PIGG: variants seen among roughly 807,000 people sequenced by gnomAD.
The protein encoded by PIGG is phosphatidylinositol glycan anchor biosynthesis class G (EMM blood group), also known as GPI ethanolamine phosphate transferase 2, catalytic subunit.
A neutral mutation model predicts 83.2 loss-of-function variants in PIGG; 70 were observed. That is an observed-to-expected ratio of 0.84 (90% CI 0.69 to 1.03). PIGG has a LOEUF of 1.03. PIGG is among the 50% of genes least tolerant of loss of function. The pLI is 0.00. For missense variants in PIGG, 1,257 were observed against 1,233.6 expected (o/e 1.02, Z -0.28); for synonymous variants, 532 against 519.5 (o/e 1.02, Z -0.33).
Position 516,083 on chromosome 4 carries a change from G to A in PIGG, c.1012G>A (p.Val338Ile), listed in dbSNP as rs879131760. The A allele has an allele frequency of 6.2e-7, 1 of 1,613,846 alleles. No individual in the cohort carries two copies. Among genetic ancestry groups the A allele is most frequent in the Non-Finnish European group, 8.5e-7 (1 of 1,179,814 alleles). ...CAGTGTAGGGAGCCTCCTATTCCCA[G>A]TTGTGGAAGGAAGACCAATGAGAGA... Reference protein sequence around the residue: ...KDSVGSLLFPVVEGRPMREQL... With the variant: ...KDSVGSLLFPIVEGRPMREQL... The change falls in exon 6 of 13, where the codon GTT (valine) becomes ATT (isoleucine). Residue 338 changes from valine to isoleucine, a missense_variant. Val to Ile is a conservative substitution (Grantham distance 29). Coordinates refer to ENST00000453061, the MANE Select transcript of PIGG (RefSeq NM_001127178.3).
Position 539,204 on chromosome 4 carries a change from T to G in PIGG, c.2787T>G (p.Ile929Met). ...TCTGCTACGCACTGATTTGTTCTAT[T>G]CCAGTTTTCACGTACATCGTTTTGG... ...ACFCYALICS[I>M]PVFTYIVLVT... Residue 929 changes from isoleucine to methionine, a missense_variant, in exon 13 of 13, where the codon ATT becomes ATG. Physicochemically the swap from Ile to Met is conservative, Grantham distance 10 (BLOSUM62 1). Transcript: ENST00000453061. The G allele has an allele frequency of 6.2e-7, 1 of 1,613,674 alleles. No individual in the cohort carries two copies. Among genetic ancestry groups the G allele is most frequent in the Non-Finnish European group, 8.5e-7 (1 of 1,179,552 alleles).
In PIGG at chr4:499,254, G is replaced by A. The variant is rs1390563870; in HGVS notation, c.-82G>A. On this transcript the variant is annotated 5_prime_UTR_variant, in exon 1 of 13. Transcript: ENST00000453061. The stretch of plus-strand genomic sequence containing the variant: ...GGCCTGGCGTTATTGCTTAGAGGCG[G>A]CTACCTGGAGCCGGAAGCGCGGCTG... 27 of 1,476,124 alleles carry A rather than the reference G, an allele frequency of 1.8e-5. No homozygotes were observed. Among genetic ancestry groups the A allele is most frequent in the Non-Finnish European group, 2.3e-5 (25 of 1,087,326 alleles). The allele number at this position is 1,476,124 out of a possible 1,614,324, so 91.4% of individuals were successfully genotyped here. A position where few individuals can be genotyped will look rare whatever the true frequency, so the allele number is the denominator to read the frequency against.
In PIGG at chr4:521,005, G is replaced by A. The variant is rs571872588; in HGVS notation, c.1115-51G>A. 18 of 1,230,136 alleles carry A rather than the reference G, an allele frequency of 1.5e-5. No homozygotes were observed. In the South Asian group the frequency reaches 2.2e-4, roughly 15 times the overall value. The allele number at this position is 1,230,136 out of a possible 1,614,324, so 76.2% of individuals were successfully genotyped here. ...ATACTTTGAGATTATGTATATAAAT[G>A]TATGTTCACGGTGTGTGTGCGCGCC... is the stretch of plus-strand genomic sequence containing the variant. On this transcript the variant is annotated intron_variant, in intron 6 of 12. Coordinates refer to ENST00000453061, the MANE Select transcript of PIGG (RefSeq NM_001127178.3).
At position 521,776 on chromosome 4, in the gene PIGG, T is replaced by C. The variant is rs754362683; in HGVS notation, c.1449T>C (p.Leu483=). The stretch of plus-strand genomic sequence containing the variant: ...TCTTTTATTTGGTGATCCTGGTTCT[T>C]TCGGCCGTTCACGTCATTGTGTGCA... ...SLLFYLVILV[L]SAVHVIVCTS... The change falls in exon 8 of 13, where the codon CTT becomes CTC. Residue 483 remains leucine, a synonymous_variant. Coordinates refer to ENST00000453061, the MANE Select transcript of PIGG (RefSeq NM_001127178.3). The C allele has an allele frequency of 4.3e-6, 7 of 1,614,094 alleles. No homozygotes were observed. In the Admixed American group the frequency reaches 1.0e-4, roughly 23 times the overall value.
chr4:523,205 C>T (rs1726529373), intron 8 of PIGG, among the ~76,000 whole-genome samples: 1 of 152,212 alleles, frequency 6.6e-6, no homozygotes, highest in South Asian at 2.1e-4. Context: ...GTGAGAACAG[C>T]TGGCTGGCCG....
chr4:516,542 A>G (rs1199065896), intron 6 of PIGG, among the ~76,000 whole-genome samples: 1 of 152,196 alleles, frequency 6.6e-6, no homozygotes, highest in African/African-American at 2.4e-5. Flanking sequence ...TCGATGGCCG[A>G]TGGTGACGAG....
intron 2 of PIGG, among the ~76,000 whole-genome samples, chr4:503,478 G>A (rs1358709080): frequency 1.3e-5 from 2 of 152,062 alleles, no homozygotes; most frequent in Non-Finnish European, 2.9e-5. Flanking sequence ...CAGGTCACAC[G>A]CAGCTCATTT....
intron 3 of PIGG, 126 bp downstream of exon 3, chr4:506,053 A>G (rs1553879065): frequency 9.0e-6 from 6 of 667,194 alleles, no homozygotes; most frequent in African/African-American, 5.5e-5. Flanking sequence ...AGGGAGTACT[A>G]TGGACAGGTG....
intron 2 of PIGG, among the ~76,000 whole-genome samples, chr4:505,099 A>G (rs1392734484): frequency 6.6e-5 from 10 of 152,136 alleles, no homozygotes; most frequent in Non-Finnish European, 1.0e-4. Flanking sequence ...TTGAATACAC[A>G]GGTTAATGTT....
In PIGG at chr4:530,409, A is replaced by T. The variant is rs370612312; in HGVS notation, c.2262-27A>T. ...TGAATTTTTCTCACTGGTGCTAATG[A>T]ATCTAACTTGTTTTGCTCTTTTTTA... is the stretch of plus-strand genomic sequence containing the variant. On this transcript the variant is annotated intron_variant, in intron 10 of 12. Transcript: ENST00000453061. 46 of 1,521,058 alleles carry T rather than the reference A, an allele frequency of 3.0e-5. No individual in the cohort carries two copies. The African/African-American group carries it at 5.8e-4, about 19-fold the overall frequency. 94.2% of individuals were successfully genotyped at this position (1,521,058 alleles called of 1,614,324 possible).
In PIGG at chr4:515,927, T is replaced by C. The variant is rs1447278218; in HGVS notation, c.902-46T>C. On this transcript the variant is annotated intron_variant, in intron 5 of 12. Transcript: ENST00000453061. This position sits in a 1 kb window ranked among gnomAD's most constrained non-coding sequence, Gnocchi z 4.2. ...TCTAATTCAAGAATGAGTACCATCTTACACTTTCTAGAAGTCTGTTACTTA... is the reference window on the plus strand; with the variant it reads ...TCTAATTCAAGAATGAGTACCATCTCACACTTTCTAGAAGTCTGTTACTTA... The C allele has an allele frequency of 6.8e-7, 1 of 1,475,918 alleles. No individual in the cohort carries two copies. Among genetic ancestry groups the C allele is most frequent in the Non-Finnish European group, 9.5e-7 (1 of 1,054,386 alleles). The allele number at this position is 1,475,918 out of a possible 1,614,324, so 91.4% of individuals were successfully genotyped here. A position where few individuals can be genotyped will look rare whatever the true frequency, so the allele number is the denominator to read the frequency against.
chr4:520,894 A>C (rs1169672816), intron 6 of PIGG, among the ~76,000 whole-genome samples, 162 bp from the exon 7 acceptor site: 1 of 152,270 alleles, frequency 6.6e-6, no homozygotes, highest in Non-Finnish European at 1.5e-5. Flanking sequence ...AAGGCGTTGC[A>C]GACCCCCCAC....
rs1402366676 is a variant in PIGG, at chr4:514,841, C to G, written c.902-1132C>G. ...CGCAACAGTCTCAGAATAACAATGCCAGTGCTGCCACTACCAGTATGAGGG... is the reference window on the plus strand; with the variant it reads ...CGCAACAGTCTCAGAATAACAATGCGAGTGCTGCCACTACCAGTATGAGGG... On this transcript the variant is annotated intron_variant, in intron 5 of 12. Transcript: ENST00000453061. Among the ~76,000 whole-genome samples, 4 of 152,306 alleles carry G rather than the reference C, an allele frequency of 2.6e-5. No homozygotes were observed. In the East Asian group the frequency reaches 7.7e-4, roughly 29 times the overall value.
At chr4:534,125 C>T (rs908494341) in intron 12 of PIGG, 144 bp downstream of exon 12, 5 of 735,528 alleles carry the variant, frequency 6.8e-6, no homozygotes, top group South Asian at 1.8e-5. Flanking sequence ...AAATAGGGAA[C>T]GGTCCAAAGC....
At chr4:535,606 T>G (rs1352221258) in intron 12 of PIGG, among the ~76,000 whole-genome samples, 2 of 152,116 alleles carry the variant, frequency 1.3e-5, no homozygotes, top group African/African-American at 4.8e-5. Context: ...CGCTGAGCAG[T>G]GAGGCTGGAG....
At chr4:519,255 A>G (rs1306650821) in intron 6 of PIGG, among the ~76,000 whole-genome samples, 1 of 152,204 alleles carries the variant, frequency 6.6e-6, no homozygotes, top group Non-Finnish European at 1.5e-5. Flanking sequence ...TCCAAGCCCC[A>G]GCAGGCAAGG....
At chr4:507,371 G>T in intron 3 of PIGG, 34 bp from the exon 4 acceptor site, 1 of 1,520,280 alleles carries the variant, frequency 6.6e-7, no homozygotes, top group Non-Finnish European at 9.0e-7. Context: ...GGGAAATTAG[G>T]TGAGTTGTTT....
At chr4:523,068 C>G (rs1199097624) in intron 8 of PIGG, among the ~76,000 whole-genome samples, 1 of 152,152 alleles carries the variant, frequency 6.6e-6, no homozygotes, top group Non-Finnish European at 1.5e-5. Context: ...TCTTCCAGAG[C>G]CTGGAAGCGG....
Position 523,744 on chromosome 4 carries a change from G to C in PIGG, c.1900G>C (p.Asp634His), listed in dbSNP as rs145542247. Residue 634 changes from aspartate to histidine, a missense_variant, in exon 9 of 13, where the codon GAC becomes CAC. By Grantham distance (81) the Asp-to-His change is moderately conservative (BLOSUM62 -1). Transcript: ENST00000453061. ...GCCTGGCTGTGATGTCCTGGAGCGA[G>C]ACAAAGGCCACGGAAGCCCCTCTAC... is the stretch of plus-strand genomic sequence containing the variant. ...DGPGCDVLERDKGHGSPSTSE... is the reference protein window; with the variant it reads ...DGPGCDVLERHKGHGSPSTSE... 5.6e-6 allele frequency: 9 copies of C among 1,614,034 alleles called. No homozygotes were observed. The African/African-American group carries it at 9.3e-5, about 17-fold the overall frequency.
Sources: allele counts gnomAD v4.1 joint callset (sites outside exome capture counted in the v4.1 genomes callset), GRCh38; gene constraint gnomAD v4.1.1; non-coding constraint Gnocchi (gnomAD v3.1); transcripts MANE v1.5; gene names NCBI Gene and HGNC (gene_info 2026-07-23, HGNC 2026-07-21).